SCFD1: variants seen among roughly 807,000 people sequenced by gnomAD.
SCFD1 encodes sec1 family domain-containing protein 1.
Under a neutral mutation model 103.2 loss-of-function variants are expected in SCFD1, and 37 were observed. The ratio of observed to expected loss-of-function variants is 0.36; its 90% CI spans 0.28 to 0.47. The LOEUF (loss-of-function observed/expected upper bound fraction) is 0.47, where lower values mean the gene tolerates loss of function less well. Among genes scored for constraint, SCFD1 ranks in the 20% least tolerant of loss-of-function variants. The pLI, the probability that SCFD1 is intolerant of heterozygous loss-of-function variation, is 1.00. For missense variants in SCFD1, 639 were observed against 761.2 expected (o/e 0.84, Z 1.89); for synonymous variants, 264 against 245.0 (o/e 1.08, Z -0.73).
At chr14:30,674,460 G>A (rs912288006) in intron 13 of SCFD1, among the ~76,000 whole-genome samples, 1 of 152,008 alleles carries the variant, frequency 6.6e-6, no homozygotes, top group African/African-American at 2.4e-5. Context: ...GGCCAACATG[G>A]TGAAACTCCA....
At position 30,729,518 on chromosome 14, in the gene SCFD1, T is replaced by C. The variant is rs183953898; in HGVS notation, c.1837-5272T>C. On this transcript the variant is annotated intron_variant, in intron 23 of 24. Coordinates refer to ENST00000458591, the MANE Select transcript of SCFD1 (RefSeq NM_016106.4). ...ATCACTTGATGTGTATGGGTTTATT[T>C]CTGAACTCTCAATTCCATTATTTGG... 1.6e-3 allele frequency among the ~76,000 whole-genome samples: 241 copies of C among 152,360 alleles called. 1 individual carries two copies. In the Middle Eastern group the frequency reaches 0.02, roughly 13 times the overall value.
chr14:30,698,681 C>T (rs979005471), intron 15 of SCFD1, among the ~76,000 whole-genome samples: 1 of 151,834 alleles, frequency 6.6e-6, no homozygotes, highest in Non-Finnish European at 1.5e-5. Context: ...GCGGCAGTTA[C>T]GGCAGGAAGT....
In SCFD1 at chr14:30,661,834, A is replaced by ATTTT. The variant is rs1393018517; in HGVS notation, c.855+8246_855+8247insTTTT. ...GTTTTAGGGATGAGCTTTGAAAAAT[A>ATTTT]AATTTTTCACATAATGCTTTAATTT... On this transcript the variant is annotated intron_variant, in intron 10 of 24. Coordinates refer to ENST00000458591, the MANE Select transcript of SCFD1 (RefSeq NM_016106.4). Among the ~76,000 whole-genome samples the ATTTT allele has an allele frequency of 2.0e-5, 3 of 152,180 alleles. No homozygotes were observed. The East Asian group carries it at 5.8e-4, about 29-fold the overall frequency.
chr14:30,628,771 C>T (rs1883791073), intron 2 of SCFD1, among the ~76,000 whole-genome samples: 1 of 152,170 alleles, frequency 6.6e-6, no homozygotes, highest in Non-Finnish European at 1.5e-5. Context: ...AATTCCAATT[C>T]TTTAGGCTTC....
At chr14:30,627,060 T>G (rs1480118905) in intron 1 of SCFD1, among the ~76,000 whole-genome samples, 1 of 152,208 alleles carries the variant, frequency 6.6e-6, no homozygotes, top group Non-Finnish European at 1.5e-5. Flanking sequence ...CAAGTGGATT[T>G]TAAGGCTGTC....
intron 19 of SCFD1, among the ~76,000 whole-genome samples, chr14:30,710,502 A>C (rs1226951993): frequency 6.6e-6 from 1 of 152,058 alleles, no homozygotes; most frequent in Non-Finnish European, 1.5e-5. Context: ...GATGGTACTG[A>C]AGGACAAATA....
chr14:30,622,423 T>C, intron 1 of SCFD1, 24 bp downstream of exon 1: 2 of 1,550,546 alleles, frequency 1.3e-6, no homozygotes, highest in South Asian at 1.2e-5. Flanking sequence ...CTCTTCTCCT[T>C]GAAGCTTCGT....
At chr14:30,625,610 GGTATACCTATATAGGTA>G in intron 1 of SCFD1, among the ~76,000 whole-genome samples, 2 of 68,218 alleles carry the variant, frequency 2.9e-5, no homozygotes, top group African/African-American at 1.0e-4. Flanking sequence ...TATAGGTATA[GGTATACCTATATAGGTA>G]TAGGTATATA....
At chr14:30,661,565 A>G (rs1191863153) in intron 10 of SCFD1, among the ~76,000 whole-genome samples, 1 of 152,138 alleles carries the variant, frequency 6.6e-6, no homozygotes, top group African/African-American at 2.4e-5. Context: ...ATTGAGTTCC[A>G]TAGTTATCCA....
At chr14:30,651,631 G>A (rs189720840) in intron 9 of SCFD1, among the ~76,000 whole-genome samples, 70 of 150,372 alleles carry the variant, frequency 4.7e-4, no homozygotes, top group Non-Finnish European at 8.6e-4. Flanking sequence ...CCTTTTTATA[G>A]CTCTCTGGGA....
chr14:30,622,351 G>A lies in SCFD1; in HGVS notation c.13G>A (p.Ala5Thr). 1 of 1,569,948 alleles carries A rather than the reference G, an allele frequency of 6.4e-7. No individual in the cohort carries two copies. MAAA[A>T]AATAAAAASI... The stretch of plus-strand genomic sequence containing the variant: ...CGTGGGAGCCAAGATGGCGGCGGCG[G>A]CGGCAGCGACAGCAGCAGCAGCAGC... Residue 5 changes from alanine (A) to threonine (T), a missense_variant, in exon 1 of 25, where the codon GCG becomes ACG. Coordinates refer to ENST00000458591, the MANE Select transcript of SCFD1 (RefSeq NM_016106.4).
intron 15 of SCFD1, among the ~76,000 whole-genome samples, chr14:30,695,229 C>G (rs1890610783): frequency 6.6e-6 from 1 of 152,174 alleles, no homozygotes; most frequent in African/African-American, 2.4e-5. Flanking sequence ...GGTCTACCCT[C>G]AATTTCCTGA....
At chr14:30,646,721 A>G (rs1885866446) in intron 7 of SCFD1, among the ~76,000 whole-genome samples, 1 of 152,132 alleles carries the variant, frequency 6.6e-6, no homozygotes, top group African/African-American at 2.4e-5. Context: ...TATATCTGTT[A>G]GAATTTGGCT....
At chr14:30,638,328 T>C (rs1241725896) in intron 5 of SCFD1, 81 bp downstream of exon 5, 20 of 1,585,598 alleles carry the variant, frequency 1.3e-5, no homozygotes, top group Non-Finnish European at 1.4e-5. Flanking sequence ...GGCATAGATA[T>C]CTATTTGACA....
intron 14 of SCFD1, among the ~76,000 whole-genome samples, chr14:30,684,496 A>G (rs1889772974): frequency 6.6e-6 from 1 of 152,204 alleles, no homozygotes; most frequent in South Asian, 2.1e-4. Flanking sequence ...ATATAAATTG[A>G]GGCAGTGTAC....
rs754628607 is a variant in SCFD1, at chr14:30,722,598, G to A, written c.1836+39G>A. The A allele has an allele frequency of 6.9e-6, 9 of 1,312,274 alleles. No individual in the cohort carries two copies. The East Asian group carries it at 1.9e-4, about 28-fold the overall frequency. The allele number at this position is 1,312,274 out of a possible 1,614,324, so 81.3% of individuals were successfully genotyped here. A position where few individuals can be genotyped will look rare whatever the true frequency, so the allele number is the denominator to read the frequency against. Reference sequence around the variant, plus strand: ...AGCCTTTTTATTCTGTTGTTAGATGGTTTCATAGGTAGAACACTAGCATAC... The same window carrying A: ...AGCCTTTTTATTCTGTTGTTAGATGATTTCATAGGTAGAACACTAGCATAC... On this transcript the variant is annotated intron_variant, in intron 23 of 24. Transcript: ENST00000458591.
intron 14 of SCFD1, chr14:30,683,380 C>G: frequency 1.8e-6 from 1 of 544,262 alleles, no homozygotes; most frequent in Non-Finnish European, 3.4e-6. Flanking sequence ...TACCTCAGGT[C>G]TTCATATATT....
At chr14:30,682,661 T>C (rs541622153) in intron 14 of SCFD1, among the ~76,000 whole-genome samples, 74 of 152,220 alleles carry the variant, frequency 4.9e-4, no homozygotes, top group Middle Eastern at 3.4e-3. Context: ...ATACCAACCA[T>C]AGATGATTAT....
At chr14:30,648,354 A>G (rs556354967) in intron 7 of SCFD1, among the ~76,000 whole-genome samples, 2 of 152,338 alleles carry the variant, frequency 1.3e-5, no homozygotes, top group African/African-American at 2.4e-5. Flanking sequence ...GTTTGAGCAT[A>G]TAAATATTAC....
Sources: allele counts gnomAD v4.1 joint callset (sites outside exome capture counted in the v4.1 genomes callset), GRCh38; gene constraint gnomAD v4.1.1; transcripts MANE v1.5; gene names NCBI Gene and HGNC (gene_info 2026-07-23, HGNC 2026-07-21).